FGF14: variants seen among roughly 807,000 people sequenced by gnomAD.
FGF14 encodes fibroblast growth factor homologous factor 4.
In FGF14, 5 loss-of-function variants were observed where a neutral mutation model predicts 25.5. That is an observed-to-expected ratio of 0.20 (90% CI 0.10 to 0.41). The LOEUF is 0.41. Ranked by LOEUF, FGF14 falls within the 10% of genes least tolerant of loss-of-function variation. The pLI is 1.00. For synonymous variants in FGF14, 138 were observed against 118.3 expected, an observed-to-expected ratio of 1.17 and a Z score of -1.08; for missense variants, 222 against 320.1, an observed-to-expected ratio of 0.69 and a Z score of 2.34.
chr13:102,312,505 G>T (rs941990944), intron 1 of FGF14, among the ~76,000 whole-genome samples: 1 of 152,100 alleles, frequency 6.6e-6, no homozygotes, highest in Non-Finnish European at 1.5e-5. Flanking sequence ...TGGGCCAAGG[G>T]TTTAAAATGT....
At chr13:102,360,221 A>G (rs2139033553) in intron 1 of FGF14, among the ~76,000 whole-genome samples, 1 of 152,338 alleles carries the variant, frequency 6.6e-6, no homozygotes, top group Non-Finnish European at 1.5e-5. Context: ...AAGGATCAAG[A>G]TCATCCCTTT....
At chr13:102,106,354 T>C (rs2044913959) in intron 1 of FGF14, among the ~76,000 whole-genome samples, 1 of 152,082 alleles carries the variant, frequency 6.6e-6, no homozygotes, top group African/African-American at 2.4e-5. Context: ...GTGAATCACT[T>C]GAGGTCAGGA....
intron 1 of FGF14, among the ~76,000 whole-genome samples, chr13:101,929,650 T>G (rs1594756167): frequency 6.6e-6 from 1 of 152,226 alleles, no homozygotes; most frequent in Non-Finnish European, 1.5e-5. Context: ...GCTTTTCTAT[T>G]AATGTGTGAG....
At chr13:101,841,736 C>T (rs1285859337) in intron 3 of FGF14, among the ~76,000 whole-genome samples, 1 of 151,924 alleles carries the variant, frequency 6.6e-6, no homozygotes, top group Admixed American at 6.6e-5. Context: ...CTGTAGGACA[C>T]ACAAACTGTC....
chr13:101,828,491 G>C (rs1566949167), intron 3 of FGF14, among the ~76,000 whole-genome samples: 1 of 144,352 alleles, frequency 6.9e-6, no homozygotes, highest in African/African-American at 2.6e-5. Context: ...TTTTTTGCAA[G>C]ATGAGAGAAA....
intron 1 of FGF14, among the ~76,000 whole-genome samples, chr13:102,203,687 T>C (rs943931818): frequency 6.6e-6 from 1 of 152,252 alleles, no homozygotes; most frequent in Non-Finnish European, 1.5e-5. Context: ...ATTTTAAACA[T>C]TGTTCCACTT....
At chr13:102,068,296 A>G (rs1285759033) in intron 1 of FGF14, among the ~76,000 whole-genome samples, 1 of 152,236 alleles carries the variant, frequency 6.6e-6, no homozygotes, top group Non-Finnish European at 1.5e-5. Context: ...CGATGGTGAG[A>G]GGTGACAGCG....
chr13:102,059,847 T>A (rs1244254694), intron 1 of FGF14, among the ~76,000 whole-genome samples: 5 of 144,734 alleles, frequency 3.5e-5, no homozygotes, highest in East Asian at 2.0e-4. Context: ...CGAGACTCCA[T>A]CTCAAAAAAA....
chr13:102,002,025 G>T (rs563295698), intron 1 of FGF14: 1 of 152,252 alleles, frequency 6.6e-6, no homozygotes, highest in East Asian at 1.9e-4. Context: ...ATTAGGAATG[G>T]TTTATTCCCA....
intron 1 of FGF14, among the ~76,000 whole-genome samples, chr13:101,931,244 G>A (rs1290939512): frequency 2.6e-5 from 4 of 152,022 alleles, no homozygotes; most frequent in East Asian, 1.9e-4. Context: ...ATGCAAAGGC[G>A]CCCTTCCCAT....
intron 3 of FGF14, among the ~76,000 whole-genome samples, chr13:101,806,830 A>G (rs1336707044): frequency 6.6e-6 from 1 of 152,134 alleles, no homozygotes; most frequent in Non-Finnish European, 1.5e-5. Flanking sequence ...TAATGATGTC[A>G]TGTTTGGGGA....
chr13:102,092,988 C>T (rs78204377), intron 1 of FGF14, among the ~76,000 whole-genome samples: 4,970 of 152,198 alleles, frequency 0.033, 280 homozygotes, highest in East Asian at 0.26. Context: ...AGTACACATG[C>T]GTGGTTGATA....
intron 1 of FGF14, among the ~76,000 whole-genome samples, chr13:101,909,217 C>T (rs1459847893): frequency 6.6e-6 from 1 of 152,152 alleles, no homozygotes; most frequent in Non-Finnish European, 1.5e-5. Context: ...AAAGCAATGG[C>T]AACAAAAGCC....
At chr13:101,737,390 T>TGG (rs1033357001) in intron 3 of FGF14, among the ~76,000 whole-genome samples, 2 of 151,626 alleles carry the variant, frequency 1.3e-5, no homozygotes, top group African/African-American at 4.8e-5. Context: ...TTTAATTTAC[T>TGG]CCAACAGAAT....
chr13:102,329,082 A>G (rs1158870751), intron 1 of FGF14, among the ~76,000 whole-genome samples: 1 of 152,178 alleles, frequency 6.6e-6, no homozygotes, highest in Non-Finnish European at 1.5e-5. Flanking sequence ...CCTATCCACT[A>G]TGACCTAACT....
At chr13:102,380,578 A>C (rs1364072347) in intron 1 of FGF14, among the ~76,000 whole-genome samples, 1 of 152,158 alleles carries the variant, frequency 6.6e-6, no homozygotes, top group Non-Finnish European at 1.5e-5. Context: ...TTCCTAACAA[A>C]GCACAGAGAG....
intron 1 of FGF14, among the ~76,000 whole-genome samples, chr13:102,304,043 A>G (rs1465939024): frequency 6.6e-6 from 1 of 152,146 alleles, no homozygotes. Context: ...TTATTGATGC[A>G]AATGTTCAAG....
At chr13:101,724,495 G>T (rs929936180) in intron 4 of FGF14, among the ~76,000 whole-genome samples, 3 of 151,066 alleles carry the variant, frequency 2.0e-5, no homozygotes, top group African/African-American at 2.4e-5. Context: ...TAATGTAAAT[G>T]ACAAGTTACT....
chr13:101,901,759 G>A (rs377588491), intron 1 of FGF14, among the ~76,000 whole-genome samples: 16 of 152,026 alleles, frequency 1.1e-4, no homozygotes, highest in African/African-American at 3.6e-4. Context: ...AAACAGATAC[G>A]CGAGGAGTTT....
Sources: gnomAD v4.1 joint callset for allele counts (sites outside exome capture counted in the v4.1 genomes callset) on GRCh38, gnomAD v4.1.1 for gene constraint, MANE v1.5 for transcripts, NCBI Gene and HGNC (gene_info 2026-07-23, HGNC 2026-07-21) for gene names.